CSMD3: variants seen among roughly 807,000 people sequenced by gnomAD.
CSMD3 encodes CUB and Sushi multiple domains 3, also known as CUB and sushi domain-containing protein 3.
In CSMD3, 177 loss-of-function variants were observed where a neutral mutation model predicts 435.2. The observed-to-expected ratio is 0.41, with a 90% CI of 0.36 to 0.46. The LOEUF (loss-of-function observed/expected upper bound fraction) is 0.46, where lower values mean the gene tolerates loss of function less well. CSMD3 is among the 20% of genes least tolerant of loss of function. The pLI is 0.34. For missense variants in CSMD3, 4,265 were observed against 4,504.6 expected (o/e 0.95, Z 1.52); for synonymous variants, 1,656 against 1,520.5 (o/e 1.09, Z -2.07).
chr8:113,121,988 G>A (rs1330460622), intron 4 of CSMD3, among the ~76,000 whole-genome samples: 7 of 152,176 alleles, frequency 4.6e-5, no homozygotes, highest in Middle Eastern at 3.4e-3. Flanking sequence ...ACCCCTTTAC[G>A]TAGTTTTGAT....
intron 13 of CSMD3, among the ~76,000 whole-genome samples, chr8:112,756,894 G>C (rs972759582): frequency 6.6e-6 from 1 of 151,238 alleles, no homozygotes; most frequent in Non-Finnish European, 1.5e-5. Context: ...TCAACCTCCC[G>C]AGTAGCTGGA....
At chr8:112,662,244 G>T (rs1039496500) in intron 17 of CSMD3, among the ~76,000 whole-genome samples, 3 of 152,132 alleles carry the variant, frequency 2.0e-5, no homozygotes, top group Non-Finnish European at 4.4e-5. Flanking sequence ...AACAAAGCTG[G>T]AGGCATCACG....
intron 16 of CSMD3, among the ~76,000 whole-genome samples, chr8:112,676,920 T>C (rs1319261092): frequency 1.3e-5 from 2 of 152,116 alleles, no homozygotes; most frequent in East Asian, 1.9e-4. Flanking sequence ...GCGGGCATTA[T>C]AAAGTAGAAA....
intron 61 of CSMD3, among the ~76,000 whole-genome samples, chr8:112,260,680 T>C (rs1344852123): frequency 6.6e-6 from 1 of 152,090 alleles, no homozygotes; most frequent in Non-Finnish European, 1.5e-5. Flanking sequence ...GAGTATCTAG[T>C]ACTATTCAGA....
chr8:112,527,022 A>G (rs1825042079), intron 27 of CSMD3, among the ~76,000 whole-genome samples: 1 of 151,960 alleles, frequency 6.6e-6, no homozygotes, highest in Admixed American at 6.6e-5. Flanking sequence ...AAGAGAAAAA[A>G]ATGATGGTAA....
chr8:112,768,927 T>C (rs1348733073), intron 13 of CSMD3, among the ~76,000 whole-genome samples: 2 of 151,958 alleles, frequency 1.3e-5, no homozygotes, highest in African/African-American at 2.4e-5. Flanking sequence ...TTTGGCACAA[T>C]AGATCATCTG....
At chr8:112,356,153 T>C (rs554460069) in intron 38 of CSMD3, among the ~76,000 whole-genome samples, 4 of 152,224 alleles carry the variant, frequency 2.6e-5, no homozygotes, top group African/African-American at 9.6e-5. Flanking sequence ...AGAACTACCA[T>C]TTAACCCAGC....
Position 112,954,670 on chromosome 8 carries a change from A to AG in CSMD3, c.1420+13dup. ...CTTGCACTAGAGAAAGTAACAAAAA[A>AG]GAAGTACACTCACAGATAGAAAACT... is the stretch of plus-strand genomic sequence containing the variant. On this transcript the variant is annotated intron_variant, in intron 8 of 70. Transcript: ENST00000297405. The AG allele has an allele frequency of 1.9e-6, 3 of 1,546,152 alleles. No homozygotes were observed. The highest frequency in any genetic ancestry group is 2.7e-6 in the Non-Finnish European group (3 of 1,119,746).
chr8:112,832,558 G>A (rs1310577394), intron 11 of CSMD3, among the ~76,000 whole-genome samples: 1 of 152,146 alleles, frequency 6.6e-6, no homozygotes, highest in Non-Finnish European at 1.5e-5. Flanking sequence ...CCATGCTGTG[G>A]AAAGGCACAT....
At chr8:112,997,716 T>C (rs1242000109) in intron 6 of CSMD3, among the ~76,000 whole-genome samples, 1 of 151,550 alleles carries the variant, frequency 6.6e-6, no homozygotes, top group African/African-American at 2.4e-5. Flanking sequence ...ATGCTAAATC[T>C]CTCCTATTAA....
chr8:113,085,615 C>T (rs59936026), intron 5 of CSMD3, among the ~76,000 whole-genome samples: 15,647 of 152,014 alleles, frequency 0.1, 1,273 homozygotes, highest in African/African-American at 0.22. Context: ...GAATGAAATC[C>T]TGTCATTAAT....
intron 37 of CSMD3, among the ~76,000 whole-genome samples, 157 bp downstream of exon 37, chr8:112,383,410 C>A (rs1159925756): frequency 6.6e-6 from 1 of 152,034 alleles, no homozygotes; most frequent in Non-Finnish European, 1.5e-5. Context: ...ATATTGATAT[C>A]ATCTTTAAAT....
chr8:112,280,337 C>T (rs974830768), intron 59 of CSMD3, among the ~76,000 whole-genome samples: 1 of 151,996 alleles, frequency 6.6e-6, no homozygotes, highest in South Asian at 2.1e-4. Context: ...GTGTTACATT[C>T]GGAGTTCACT....
At chr8:112,762,653 T>C (rs1181593081) in intron 13 of CSMD3, among the ~76,000 whole-genome samples, 1 of 151,964 alleles carries the variant, frequency 6.6e-6, no homozygotes, top group African/African-American at 2.4e-5. Flanking sequence ...TATCAAGTTG[T>C]TATTGTTTGT....
intron 13 of CSMD3, among the ~76,000 whole-genome samples, chr8:112,717,832 T>A (rs953099603): frequency 2.6e-5 from 4 of 152,084 alleles, no homozygotes; most frequent in African/African-American, 7.2e-5. Flanking sequence ...AAACACCTCA[T>A]GTTCTCACTG....
In CSMD3 at chr8:112,253,024, T is replaced by C. The variant is rs537220260; in HGVS notation, c.10110+1229A>G. ...ACTGTTTTAAACTCCACGTTAATCA[T>C]TCTCATTTCCAATATCTCAAATAAT... On this transcript the variant is annotated intron_variant, in intron 63 of 70. Coordinates refer to ENST00000297405, the MANE Select transcript of CSMD3 (RefSeq NM_198123.2). 5.3e-5 allele frequency among the ~76,000 whole-genome samples: 8 copies of C among 151,996 alleles called. No individual in the cohort carries two copies. In the South Asian group the frequency reaches 1.7e-3, roughly 31 times the overall value.
chr8:113,204,451 T>G (rs2092749122), intron 3 of CSMD3, among the ~76,000 whole-genome samples: 1 of 152,106 alleles, frequency 6.6e-6, no homozygotes, highest in South Asian at 2.1e-4. Flanking sequence ...CAAATTAAGC[T>G]TATAAAGTAA....
intron 32 of CSMD3, among the ~76,000 whole-genome samples, chr8:112,464,237 CAA>C (rs34572260): frequency 0.029 from 2,379 of 81,156 alleles, 61 homozygotes; most frequent in African/African-American, 0.087. Context: ...GACTCTGTTT[CAA>C]AAAAAAAAAA....
At chr8:112,953,648 T>C (rs1253233309) in intron 8 of CSMD3, among the ~76,000 whole-genome samples, 3 of 151,376 alleles carry the variant, frequency 2.0e-5, no homozygotes, top group Non-Finnish European at 4.4e-5. Context: ...GATATAAGAC[T>C]CCAAGTTTGT....
Sources: gnomAD v4.1 joint callset for allele counts (sites outside exome capture counted in the v4.1 genomes callset) on GRCh38, gnomAD v4.1.1 for gene constraint, MANE v1.5 for transcripts, NCBI Gene and HGNC (gene_info 2026-07-23, HGNC 2026-07-21) for gene names.